The following ZMIZ1 variants were observed in gnomAD, a reference collection of about 807,000 sequenced individuals.
The protein encoded by ZMIZ1 is zinc finger MIZ domain-containing protein 1.
A neutral mutation model predicts 113.9 loss-of-function variants in ZMIZ1; 17 were observed. That is an observed-to-expected ratio of 0.15 (90% CI 0.10 to 0.22). ZMIZ1 has a LOEUF of 0.22. ZMIZ1 is among the 10% of genes least tolerant of loss of function. The probability of loss-of-function intolerance (pLI) is 1.00; values close to 1 mark genes in which losing one functional copy is unlikely to be tolerated. For missense variants in ZMIZ1, 1,059 were observed against 1,477.8 expected, an observed-to-expected ratio of 0.72 and a Z score of 4.65; for synonymous variants, 607 against 603.1, an observed-to-expected ratio of 1.01 and a Z score of -0.09.
At chr10:79,243,814 G>T in intron 7 of ZMIZ1, 1 of 179,974 alleles carries the variant, frequency 5.6e-6, no homozygotes, top group Non-Finnish European at 1.2e-5. Flanking sequence ...GCGCGGGGGT[G>T]AGTGTGCGTG....
intron 11 of ZMIZ1, chr10:79,292,884 G>A (rs1280711087): frequency 2.2e-6 from 1 of 461,114 alleles, no homozygotes. Flanking sequence ...GGGAACTGCA[G>A]GGCAGAGGGG....
chr10:79,184,790 G>A (rs988237928), intron 4 of ZMIZ1, among the ~76,000 whole-genome samples: 2 of 152,176 alleles, frequency 1.3e-5, no homozygotes, highest in African/African-American at 2.4e-5. Flanking sequence ...TGTGCCAGCC[G>A]CACAAGGGCC....
intron 7 of ZMIZ1, among the ~76,000 whole-genome samples, chr10:79,270,148 C>T (rs61851414): frequency 0.011 from 1,727 of 152,348 alleles, 10 homozygotes; most frequent in Non-Finnish European, 0.019. Context: ...CCAGCTGCCC[C>T]GGCATCCTCA....
At chr10:79,214,903 G>A (rs1483452361) in intron 6 of ZMIZ1, among the ~76,000 whole-genome samples, 2 of 152,216 alleles carry the variant, frequency 1.3e-5, no homozygotes, top group Non-Finnish European at 2.9e-5. Context: ...GAATGGGTGG[G>A]GACAGAGTGA....
At chr10:79,154,258 G>A (rs1013794484) in intron 3 of ZMIZ1, among the ~76,000 whole-genome samples, 2 of 152,112 alleles carry the variant, frequency 1.3e-5, no homozygotes, top group African/African-American at 4.8e-5. Context: ...CTTCTCTGTA[G>A]GGTGGCAGGC....
intron 4 of ZMIZ1, among the ~76,000 whole-genome samples, chr10:79,162,858 G>A (rs1050928521): frequency 1.3e-5 from 2 of 152,138 alleles, no homozygotes; most frequent in African/African-American, 2.4e-5. Context: ...TGGACCCCCC[G>A]CCTGATAAGG....
intron 1 of ZMIZ1, among the ~76,000 whole-genome samples, chr10:79,086,868 C>T (rs1842831185): frequency 6.6e-6 from 1 of 152,028 alleles, no homozygotes; most frequent in South Asian, 2.1e-4. Flanking sequence ...TCCTGAATTG[C>T]ATTTTTGCAT....
At chr10:79,132,180 G>T (rs962439313) in intron 2 of ZMIZ1, among the ~76,000 whole-genome samples, 3 of 152,200 alleles carry the variant, frequency 2.0e-5, no homozygotes, top group Non-Finnish European at 4.4e-5. Context: ...CCCGGGGCTT[G>T]GGTGGGCAGG....
At chr10:79,116,320 A>C (rs1844027505) in intron 1 of ZMIZ1, among the ~76,000 whole-genome samples, 1 of 151,814 alleles carries the variant, frequency 6.6e-6, no homozygotes, top group African/African-American at 2.4e-5. Flanking sequence ...GTGTCACCCA[A>C]CCCTGATAGA....
In ZMIZ1 at chr10:79,313,105, T is replaced by G. The variant is rs1394392999; in HGVS notation, c.*356T>G. ...CGCGTGTGCCGATTCCAGATGACCT[T>G]CCAGTGTCCCCAAGGTTCTTCCATC... On this transcript the variant is annotated 3_prime_UTR_variant, in exon 25 of 25. Coordinates refer to ENST00000334512, the MANE Select transcript of ZMIZ1 (RefSeq NM_020338.4). 2 of 257,338 alleles carry G rather than the reference T, an allele frequency of 7.8e-6. No homozygotes were observed. Among genetic ancestry groups the G allele is most frequent in the African/African-American group, 4.4e-5 (2 of 45,272 alleles). The allele number at this position is 257,338 out of a possible 1,614,324, so 15.9% of individuals were successfully genotyped here.
chr10:79,070,889 TCTC>T (rs1485334982), intron 1 of ZMIZ1, among the ~76,000 whole-genome samples: 12 of 141,036 alleles, frequency 8.5e-5, no homozygotes, highest in South Asian at 2.5e-4. Flanking sequence ...CTCTCCCCCT[TCTC>T]CTCTCCCCTG....
intron 7 of ZMIZ1, among the ~76,000 whole-genome samples, chr10:79,238,250 A>C (rs781258427): frequency 2.2e-4 from 33 of 152,126 alleles, no homozygotes; most frequent in Non-Finnish European, 3.4e-4. Context: ...TACTGAGTGG[A>C]GGTGTGGGGC....
rs145140336 is a variant in ZMIZ1, at chr10:79,178,031, C to CAGT, written c.-50+15900_-50+15902dup. ...GGTGGGGTCTTAGGAGGGGCCAGGG[C>CAGT]AGTATCCTCATCACAAGCAGCTTGC... is the stretch of plus-strand genomic sequence containing the variant. On this transcript the variant is annotated intron_variant, in intron 4 of 24. Transcript: ENST00000334512. Among the ~76,000 whole-genome samples the CAGT allele has an allele frequency of 6.2e-3, 943 of 152,286 alleles. 16 individuals are homozygous for CAGT. Among genetic ancestry groups the CAGT allele is most frequent in the African/African-American group, 0.021 (882 of 41,542 alleles).
chr10:79,109,268 G>A lies in ZMIZ1; in HGVS notation c.-336-9647G>A, dbSNP rs1478788037. Among the ~76,000 whole-genome samples the A allele has an allele frequency of 2.0e-5, 3 of 152,308 alleles. No individual in the cohort carries two copies. The East Asian group carries it at 5.8e-4, about 29-fold the overall frequency. The stretch of plus-strand genomic sequence containing the variant: ...TCTGTGCAAGTGCGCCTGTGTGCAT[G>A]GGTCTGTGTGCACACATGTGTGGGC... On this transcript the variant is annotated intron_variant, in intron 1 of 24. Coordinates refer to ENST00000334512, the MANE Select transcript of ZMIZ1 (RefSeq NM_020338.4).
At chr10:79,289,338 G>A (rs1028498294) in intron 8 of ZMIZ1, among the ~76,000 whole-genome samples, 7 of 152,152 alleles carry the variant, frequency 4.6e-5, no homozygotes, top group African/African-American at 1.2e-4. Flanking sequence ...CCTCAGACTC[G>A]GACCCTTCCA....
At chr10:79,160,715 G>A (rs1423393576) in intron 3 of ZMIZ1, among the ~76,000 whole-genome samples, 1 of 152,234 alleles carries the variant, frequency 6.6e-6, no homozygotes, top group Non-Finnish European at 1.5e-5. Flanking sequence ...CCCTGCCTGT[G>A]CACAGTGAGG....
intron 2 of ZMIZ1, among the ~76,000 whole-genome samples, chr10:79,122,832 A>G (rs1658322): frequency 0.49 from 75,132 of 151,922 alleles, 19,169 homozygotes; most frequent in East Asian, 0.83. Context: ...GCAGCAGAGA[A>G]TGGTACCTAG....
intron 2 of ZMIZ1, among the ~76,000 whole-genome samples, chr10:79,126,569 A>G (rs1370136676): frequency 6.6e-6 from 1 of 152,204 alleles, no homozygotes; most frequent in Non-Finnish European, 1.5e-5. Context: ...TGGGGCAGAT[A>G]ATGGGGGCTT....
chr10:79,250,941 C>G (rs1369092373), intron 7 of ZMIZ1, among the ~76,000 whole-genome samples: 3 of 152,178 alleles, frequency 2.0e-5, no homozygotes, highest in South Asian at 2.1e-4. Context: ...GACAGAACAG[C>G]CTTCAGGCGC....
Sources: gnomAD v4.1 joint callset for allele counts (sites outside exome capture counted in the v4.1 genomes callset) on GRCh38, gnomAD v4.1.1 for gene constraint, MANE v1.5 for transcripts, NCBI Gene and HGNC (gene_info 2026-07-23, HGNC 2026-07-21) for gene names.